BTRC: variants seen among roughly 807,000 people sequenced by gnomAD.
BTRC encodes the protein F-box/WD repeat-containing protein 1A.
Under a neutral mutation model 85.5 loss-of-function variants are expected in BTRC, and 42 were observed. That is an observed-to-expected ratio of 0.49 (90% CI 0.38 to 0.64). The LOEUF (loss-of-function observed/expected upper bound fraction) is 0.64, where lower values mean the gene tolerates loss of function less well. BTRC is among the 30% of genes least tolerant of loss of function. The pLI is 0.00. For synonymous variants in BTRC, 255 were observed against 263.3 expected, an observed-to-expected ratio of 0.97 and a Z score of 0.30; for missense variants, 594 against 743.5, an observed-to-expected ratio of 0.80 and a Z score of 2.34.
intron 1 of BTRC, among the ~76,000 whole-genome samples, chr10:101,422,437 T>C (rs1944128391): frequency 6.6e-6 from 1 of 152,224 alleles, no homozygotes; most frequent in South Asian, 2.1e-4. Context: ...TTCACTCTGA[T>C]GGTAGTTTCT....
At chr10:101,405,075 TAGG>T (rs1046891460) in intron 1 of BTRC, among the ~76,000 whole-genome samples, 1 of 151,412 alleles carries the variant, frequency 6.6e-6, no homozygotes, top group Non-Finnish European at 1.5e-5. Context: ...GGGGTGAACA[TAGG>T]AGTTCATTAA....
intron 3 of BTRC, among the ~76,000 whole-genome samples, chr10:101,470,577 G>A (rs1040171610): frequency 2.6e-5 from 4 of 152,058 alleles, no homozygotes; most frequent in Admixed American, 6.5e-5. Context: ...TGATCCGACC[G>A]CCTCAGCCTC....
intron 4 of BTRC, among the ~76,000 whole-genome samples, chr10:101,514,019 G>T (rs1401035572): frequency 1.3e-5 from 2 of 152,118 alleles, no homozygotes; most frequent in Non-Finnish European, 2.9e-5. Context: ...TTTCCCTAAT[G>T]ACTAATAATG....
intron 1 of BTRC, among the ~76,000 whole-genome samples, chr10:101,418,767 A>G (rs1164563846): frequency 6.6e-6 from 1 of 152,092 alleles, no homozygotes. Context: ...GTAGGTAAAC[A>G]TGCCATGGTG....
chr10:101,502,373 G>T (rs372819628), intron 4 of BTRC, among the ~76,000 whole-genome samples: 2 of 151,574 alleles, frequency 1.3e-5, no homozygotes, highest in South Asian at 2.1e-4. Context: ...TGTAGCAATA[G>T]CTCTGAAAGA....
chr10:101,383,237 T>A (rs1394281855), intron 1 of BTRC, among the ~76,000 whole-genome samples: 4 of 151,806 alleles, frequency 2.6e-5, no homozygotes, highest in Non-Finnish European at 5.9e-5. Flanking sequence ...CTAATTTTTT[T>A]ATTTTTCACA....
intron 1 of BTRC, among the ~76,000 whole-genome samples, chr10:101,359,858 C>T (rs1012327889): frequency 1.2e-4 from 19 of 152,220 alleles, no homozygotes; most frequent in African/African-American, 4.3e-4. Context: ...CCTTGGCCTC[C>T]CAAAGTGCTG....
At position 101,383,378 on chromosome 10, in the gene BTRC, T is replaced by C. The variant is rs1414353596; in HGVS notation, c.48+29150T>C. Among the ~76,000 whole-genome samples, 2 of 148,572 alleles carry C rather than the reference T, an allele frequency of 1.3e-5. 1 individual carries two copies. The highest frequency in any genetic ancestry group is 3.0e-5 in the Non-Finnish European group (2 of 66,850). ...ACTACACTTTGAGGACTGCTGTGGC[T>C]TCTATAAGTCTTCCTTTTTAAAAAA... On this transcript the variant is annotated intron_variant, in intron 1 of 14. Transcript: ENST00000370187.
intron 2 of BTRC, among the ~76,000 whole-genome samples, chr10:101,438,886 T>C (rs1020886096): frequency 1.3e-5 from 2 of 152,304 alleles, no homozygotes; most frequent in South Asian, 4.1e-4. Context: ...AAATCTCTTT[T>C]GTATTCCCTA....
chr10:101,375,699 A>T (rs1942772433), intron 1 of BTRC, among the ~76,000 whole-genome samples: 1 of 152,180 alleles, frequency 6.6e-6, no homozygotes, highest in African/African-American at 2.4e-5. Flanking sequence ...GCCTATACTG[A>T]TTAGTGTCTA....
At chr10:101,484,780 G>T (rs1298255647) in intron 4 of BTRC, among the ~76,000 whole-genome samples, 1 of 152,130 alleles carries the variant, frequency 6.6e-6, no homozygotes, top group Non-Finnish European at 1.5e-5. Flanking sequence ...TGGGCTTATT[G>T]CTCTTTCAAA....
At chr10:101,433,466 C>A (rs987103356) in intron 2 of BTRC, among the ~76,000 whole-genome samples, 1 of 151,952 alleles carries the variant, frequency 6.6e-6, no homozygotes, top group African/African-American at 2.4e-5. Context: ...GGAATTAACT[C>A]GATAACAGGG....
In BTRC at chr10:101,456,402, G is replaced by GA. The variant is rs777459910; in HGVS notation, c.157-5571dup. 3.3e-5 allele frequency among the ~76,000 whole-genome samples: 5 copies of GA among 151,384 alleles called. No homozygotes were observed. The South Asian group carries it at 8.4e-4, about 25-fold the overall frequency. ...TGAAAATTAGCTAGATATGTTCAAA[G>GA]AAAAAAAAGGAATGAGTAAAAACTG... On this transcript the variant is annotated intron_variant, in intron 2 of 14. Coordinates refer to ENST00000370187, the MANE Select transcript of BTRC (RefSeq NM_033637.4).
intron 4 of BTRC, among the ~76,000 whole-genome samples, chr10:101,480,425 G>T (rs1267521275): frequency 1.3e-5 from 2 of 152,162 alleles, no homozygotes; most frequent in Non-Finnish European, 2.9e-5. Flanking sequence ...TCTTATAGGG[G>T]CTGAGAAGTC....
At chr10:101,376,449 T>G (rs919384258) in intron 1 of BTRC, among the ~76,000 whole-genome samples, 4 of 152,192 alleles carry the variant, frequency 2.6e-5, no homozygotes, top group African/African-American at 9.7e-5. Flanking sequence ...GTAGGCTGTT[T>G]GCAGCTAGAG....
intron 1 of BTRC, among the ~76,000 whole-genome samples, chr10:101,388,574 C>T (rs1056494100): frequency 6.6e-5 from 10 of 152,114 alleles, no homozygotes; most frequent in East Asian, 5.8e-4. Context: ...ACTGCTGCCT[C>T]GACCTCCTGG....
At chr10:101,443,439 C>G (rs1944743631) in intron 2 of BTRC, among the ~76,000 whole-genome samples, 1 of 152,010 alleles carries the variant, frequency 6.6e-6, no homozygotes, top group South Asian at 2.1e-4. Context: ...AAAAATGGCC[C>G]TTAACAGAAA....
chr10:101,406,400 G>A lies in BTRC; in HGVS notation c.49-23945G>A, dbSNP rs928043975. On this transcript the variant is annotated intron_variant, in intron 1 of 14. Transcript: ENST00000370187. ...ACCGTGGTCTTGATCTCCTGACCTCGTGATCCGCCCGCCTCAGCCTCCCAA... is the reference window on the plus strand; with the variant it reads ...ACCGTGGTCTTGATCTCCTGACCTCATGATCCGCCCGCCTCAGCCTCCCAA... Among the ~76,000 whole-genome samples the A allele has an allele frequency of 7.2e-5, 11 of 151,746 alleles. No individual in the cohort carries two copies. The East Asian group carries it at 1.6e-3, about 21-fold the overall frequency.
At position 101,410,653 on chromosome 10, in the gene BTRC, G is replaced by A. The variant is rs1047813644; in HGVS notation, c.49-19692G>A. The stretch of plus-strand genomic sequence containing the variant: ...AAGAGTACCCTTTTAATGTGCTGTT[G>A]AGAGTAATATCTTTTCAGTTATTTT... On this transcript the variant is annotated intron_variant, in intron 1 of 14. Transcript: ENST00000370187. Among the ~76,000 whole-genome samples, 6 of 152,008 alleles carry A rather than the reference G, an allele frequency of 3.9e-5. No individual in the cohort carries two copies. In the East Asian group the frequency reaches 9.6e-4, roughly 24 times the overall value.
Sources: allele counts gnomAD v4.1 joint callset (sites outside exome capture counted in the v4.1 genomes callset), GRCh38; gene constraint gnomAD v4.1.1; transcripts MANE v1.5; gene names NCBI Gene and HGNC (gene_info 2026-07-23, HGNC 2026-07-21).